Variants in MECOM observed in about 807,000 individuals in gnomAD.
MECOM encodes the protein MDS1 and EVI1 complex locus.
MECOM carries 13 observed loss-of-function variants against 116.3 expected under a neutral mutation model. That is an observed-to-expected ratio of 0.11 (90% CI 0.07 to 0.18). MECOM has a LOEUF of 0.18. Ranked by LOEUF, MECOM falls within the 10% of genes least tolerant of loss-of-function variation. MECOM has a pLI of 1.00. For synonymous variants in MECOM, 528 were observed against 535.2 expected (o/e 0.99, Z 0.19); for missense variants, 1,299 against 1,509.0 (o/e 0.86, Z 2.31).
chr3:169,267,546 G>A (rs1758461811), intron 2 of MECOM, among the ~76,000 whole-genome samples: 1 of 152,192 alleles, frequency 6.6e-6, no homozygotes, highest in African/African-American at 2.4e-5. Context: ...CTGAGGGGGT[G>A]GGCAGTAGGT....
chr3:169,170,894 A>T (rs1230929195), intron 2 of MECOM, among the ~76,000 whole-genome samples: 2 of 152,206 alleles, frequency 1.3e-5, no homozygotes, highest in Non-Finnish European at 2.9e-5. Context: ...TCAATTTTGA[A>T]TTCTAAATTC....
At chr3:169,205,123 T>A (rs1749731249) in intron 2 of MECOM, among the ~76,000 whole-genome samples, 1 of 152,160 alleles carries the variant, frequency 6.6e-6, no homozygotes, top group South Asian at 2.1e-4. Flanking sequence ...CTGAGGTCTT[T>A]CAGACCTAAT....
intron 2 of MECOM, among the ~76,000 whole-genome samples, chr3:169,322,215 C>A (rs1297578090): frequency 6.6e-6 from 1 of 152,106 alleles, no homozygotes; most frequent in Non-Finnish European, 1.5e-5. Flanking sequence ...GTATTTCTAA[C>A]CCCACGATGT....
intron 2 of MECOM, among the ~76,000 whole-genome samples, chr3:169,151,351 T>C (rs1262104398): frequency 1.3e-5 from 2 of 152,238 alleles, no homozygotes; most frequent in African/African-American, 4.8e-5. Flanking sequence ...TAATAAAGTA[T>C]GTTCCCATTC....
chr3:169,475,085 C>CAT (rs1750134900), intron 1 of MECOM, among the ~76,000 whole-genome samples: 5 of 147,820 alleles, frequency 3.4e-5, no homozygotes, highest in Admixed American at 6.9e-5. Flanking sequence ...TAACACAGCA[C>CAT]GTAAACAATC....
In MECOM at chr3:169,485,983, TA is replaced by T. The variant is rs1307110434; in HGVS notation, c.38-104460del. Reference sequence around the variant, plus strand: ...TATATACTATATATACATATATATATAGTATATATATGTATATATATACTAT... The same window carrying T: ...TATATACTATATATACATATATATATGTATATATATGTATATATATACTAT... On this transcript the variant is annotated intron_variant, in intron 1 of 16. Coordinates refer to ENST00000651503, the MANE Select transcript of MECOM (RefSeq NM_004991.4). 2.8e-3 allele frequency among the ~76,000 whole-genome samples: 300 copies of T among 106,016 alleles called. 3 individuals carry two copies. The highest frequency in any genetic ancestry group is 0.011 in the African/African-American group (251 of 22,420). 69.6% of individuals were successfully genotyped at this position (106,016 alleles called of 152,430 possible).
chr3:169,588,521 A>G (rs951289108), intron 1 of MECOM, among the ~76,000 whole-genome samples: 1 of 152,220 alleles, frequency 6.6e-6, no homozygotes, highest in African/African-American at 2.4e-5. Flanking sequence ...CACACAATTT[A>G]TGTGGAAATA....
At chr3:169,661,945 C>T (rs1034791952) in intron 1 of MECOM, among the ~76,000 whole-genome samples, 5 of 152,228 alleles carry the variant, frequency 3.3e-5, no homozygotes, top group African/African-American at 1.2e-4. Flanking sequence ...ACTCCCGAGG[C>T]AGCTCCAGCC....
intron 2 of MECOM, among the ~76,000 whole-genome samples, chr3:169,278,802 G>A (rs906950002): frequency 3.3e-5 from 5 of 152,140 alleles, no homozygotes; most frequent in Admixed American, 6.5e-5. Flanking sequence ...CCTTCTGGTC[G>A]GTCCCTTGCC....
chr3:169,540,520 T>C (rs1759938603), intron 1 of MECOM, among the ~76,000 whole-genome samples: 1 of 152,232 alleles, frequency 6.6e-6, no homozygotes, highest in African/African-American at 2.4e-5. Context: ...CTTAAAAGCT[T>C]CTAGTGCCTT....
At chr3:169,584,627 G>A (rs1354551300) in intron 1 of MECOM, among the ~76,000 whole-genome samples, 2 of 151,920 alleles carry the variant, frequency 1.3e-5, no homozygotes, top group African/African-American at 4.8e-5. Context: ...GTCTGGGAAG[G>A]CTCAAAAGGA....
At chr3:169,630,664 T>C (rs2109964633) in intron 1 of MECOM, among the ~76,000 whole-genome samples, 1 of 152,346 alleles carries the variant, frequency 6.6e-6, no homozygotes, top group East Asian at 1.9e-4. Flanking sequence ...GGTCTCACCA[T>C]GTTCTCTAGG....
chr3:169,358,186 C>A (rs1198107979), intron 2 of MECOM, among the ~76,000 whole-genome samples: 1 of 151,690 alleles, frequency 6.6e-6, no homozygotes, highest in Non-Finnish European at 1.5e-5. Flanking sequence ...TTGTAACTCT[C>A]TCAAGAGCTT....
chr3:169,165,120 A>C (rs1743389636), intron 2 of MECOM, among the ~76,000 whole-genome samples: 1 of 152,186 alleles, frequency 6.6e-6, no homozygotes, highest in African/African-American at 2.4e-5. Flanking sequence ...AAGTTCTTAA[A>C]TATTTTGGTG....
intron 2 of MECOM, among the ~76,000 whole-genome samples, chr3:169,379,822 C>T (rs892096958): frequency 6.6e-5 from 10 of 152,208 alleles, no homozygotes; most frequent in Admixed American, 3.3e-4. Flanking sequence ...ACAATAATGA[C>T]GTAAAGTTCG....
intron 2 of MECOM, among the ~76,000 whole-genome samples, chr3:169,229,183 C>T (rs1220274851): frequency 6.6e-6 from 1 of 152,150 alleles, no homozygotes; most frequent in South Asian, 2.1e-4. Context: ...AAAGGCCAAC[C>T]TTACCAACTC....
At chr3:169,389,636 T>C in intron 1 of MECOM, 2 of 972,752 alleles carry the variant, frequency 2.1e-6, no homozygotes, top group Non-Finnish European at 2.4e-6. Flanking sequence ...TAGAGGAAAG[T>C]AGAACCGTCC....
chr3:169,559,552 T>C (rs1762420795), intron 1 of MECOM, among the ~76,000 whole-genome samples: 1 of 152,236 alleles, frequency 6.6e-6, no homozygotes, highest in African/African-American at 2.4e-5. Flanking sequence ...TATACCATGT[T>C]CTGCCCTTTA....
At chr3:169,271,621 TG>T (rs1310587400) in intron 2 of MECOM, among the ~76,000 whole-genome samples, 1 of 152,010 alleles carries the variant, frequency 6.6e-6, no homozygotes, top group Non-Finnish European at 1.5e-5. Flanking sequence ...AGTTGGGGGC[TG>T]GGGGATGGAT....
Sources: gnomAD v4.1 joint callset for allele counts (sites outside exome capture counted in the v4.1 genomes callset) on GRCh38, gnomAD v4.1.1 for gene constraint, MANE v1.5 for transcripts, NCBI Gene and HGNC (gene_info 2026-07-23, HGNC 2026-07-21) for gene names.